The following CYRIB variants were observed in gnomAD, a reference collection of about 807,000 sequenced individuals.
The protein encoded by CYRIB is CYFIP-related Rac1 interactor B.
CYRIB carries 8 observed loss-of-function variants against 44.2 expected under a neutral mutation model. The ratio of observed to expected loss-of-function variants is 0.18; its 90% CI spans 0.11 to 0.33. The LOEUF is 0.33. Ranked by LOEUF, CYRIB falls within the 10% of genes least tolerant of loss-of-function variation. The pLI is 1.00. For synonymous variants in CYRIB, 131 were observed against 127.2 expected (o/e 1.03, Z -0.20); for missense variants, 185 against 382.8 (o/e 0.48, Z 4.31).
At chr8:129,882,689 C>T (rs10091204) in intron 2 of CYRIB, among the ~76,000 whole-genome samples, 2,211 of 152,182 alleles carry the variant, frequency 0.015, 46 homozygotes, top group African/African-American at 0.046. Flanking sequence ...TTGGAACTAG[C>T]CATGTACGTC....
chr8:129,986,425 C>G (rs759297598), intron 1 of CYRIB, among the ~76,000 whole-genome samples: 55 of 152,182 alleles, frequency 3.6e-4, no homozygotes, highest in Admixed American at 5.9e-4. Flanking sequence ...CCTCAAAATT[C>G]ATGTTGAAAC....
chr8:129,844,755 T>C (rs1183423359), intron 11 of CYRIB, among the ~76,000 whole-genome samples: 2 of 152,250 alleles, frequency 1.3e-5, no homozygotes, highest in African/African-American at 4.8e-5. Context: ...AAGTTCTATT[T>C]TGTGGAGGTG....
intron 1 of CYRIB, among the ~76,000 whole-genome samples, chr8:129,906,708 C>T (rs2075592152): frequency 6.6e-6 from 1 of 152,146 alleles, no homozygotes; most frequent in Non-Finnish European, 1.5e-5. Flanking sequence ...ACTCATCTGA[C>T]AAAGGGCTAA....
At chr8:129,970,156 A>G (rs758779484) in intron 2 of CYRIB, among the ~76,000 whole-genome samples, 8 of 152,230 alleles carry the variant, frequency 5.3e-5, no homozygotes, top group Non-Finnish European at 7.3e-5. Flanking sequence ...ATTTTACAGC[A>G]TGTAAGATAG....
At chr8:129,929,244 G>A (rs546533875) in intron 1 of CYRIB, among the ~76,000 whole-genome samples, 3 of 152,230 alleles carry the variant, frequency 2.0e-5, no homozygotes, top group East Asian at 3.9e-4. Flanking sequence ...GAGAGTGAGG[G>A]AGAGAGTGTG....
intron 2 of CYRIB, among the ~76,000 whole-genome samples, chr8:129,946,319 T>A (rs1167488542): frequency 6.6e-6 from 1 of 152,248 alleles, no homozygotes; most frequent in Non-Finnish European, 1.5e-5. Context: ...GCTGCCTCTG[T>A]ATCCAGTCTC....
rs560945853 is a variant in CYRIB, at chr8:129,867,427, T to G, written c.195+3948A>C. Among the ~76,000 whole-genome samples the G allele has an allele frequency of 5.9e-5, 9 of 152,008 alleles. No individual in the cohort carries two copies. The East Asian group carries it at 1.7e-3, about 29-fold the overall frequency. ...GGGTGTGTGCCACCAATTTGGCTAT[T>G]TATTTTTTTAAAATTTACAAAAAAA... On this transcript the variant is annotated intron_variant, in intron 4 of 11. Coordinates refer to ENST00000519824, the Ensembl canonical transcript of CYRIB.
intron 5 of CYRIB, among the ~76,000 whole-genome samples, chr8:129,861,838 T>C (rs2049847649): frequency 6.6e-6 from 1 of 152,168 alleles, no homozygotes; most frequent in East Asian, 1.9e-4. Flanking sequence ...CTTTGGATGC[T>C]AAAGGGTCCT....
At chr8:129,861,626 T>G (rs867948137) in intron 5 of CYRIB, among the ~76,000 whole-genome samples, 11 of 151,406 alleles carry the variant, frequency 7.3e-5, no homozygotes, top group African/African-American at 2.4e-4. Context: ...TTTGTTGTTT[T>G]TTTTTTTTTT....
chr8:129,943,840 C>T (rs2093936046), upstream of CYRIB, among the ~76,000 whole-genome samples: 1 of 148,464 alleles, frequency 6.7e-6, no homozygotes, highest in African/African-American at 2.5e-5. Flanking sequence ...ACCACGTGAT[C>T]CGCCCGCCTC....
At chr8:129,993,177 G>A (rs553165178) in intron 1 of CYRIB, among the ~76,000 whole-genome samples, 1 of 152,152 alleles carries the variant, frequency 6.6e-6, no homozygotes, top group East Asian at 1.9e-4. Context: ...GATCACTTGA[G>A]GTCAGGAGTT....
chr8:129,873,467 C>T (rs1414126576), intron 3 of CYRIB, among the ~76,000 whole-genome samples: 1 of 151,934 alleles, frequency 6.6e-6, no homozygotes, highest in Non-Finnish European at 1.5e-5. Context: ...AACTTTTATA[C>T]TTACATCAGA....
At chr8:129,882,290 G>C (rs2061065331) in intron 2 of CYRIB, among the ~76,000 whole-genome samples, 1 of 152,002 alleles carries the variant, frequency 6.6e-6, no homozygotes, top group South Asian at 2.1e-4. Context: ...ACCCTTTTGG[G>C]GACTCATTTC....
chr8:129,865,260 T>G (rs1170207207), intron 4 of CYRIB, among the ~76,000 whole-genome samples: 1 of 152,222 alleles, frequency 6.6e-6, no homozygotes, highest in Non-Finnish European at 1.5e-5. Context: ...ACATGCTGTG[T>G]GGTGCAGGAG....
At chr8:129,864,114 C>G (rs181790427) in intron 4 of CYRIB, among the ~76,000 whole-genome samples, 5 of 152,328 alleles carry the variant, frequency 3.3e-5, no homozygotes, top group Non-Finnish European at 7.3e-5. Flanking sequence ...ACTGGTTAAG[C>G]AATTTACTTT....
intron 1 of CYRIB, among the ~76,000 whole-genome samples, chr8:130,011,668 AAAAG>A (rs749451154): frequency 6.6e-5 from 10 of 151,194 alleles, no homozygotes; most frequent in Non-Finnish European, 1.0e-4. Flanking sequence ...ATACAAAAAA[AAAAG>A]AAAGAAAGAA....
chr8:129,905,374 T>C (rs1166707882), intron 1 of CYRIB, among the ~76,000 whole-genome samples: 1 of 152,072 alleles, frequency 6.6e-6, no homozygotes, highest in Non-Finnish European at 1.5e-5. Flanking sequence ...CCTGCCACCA[T>C]TCCCCGCTAA....
chr8:129,929,430 A>G (rs1301209765), intron 1 of CYRIB, among the ~76,000 whole-genome samples: 1 of 152,200 alleles, frequency 6.6e-6, no homozygotes, highest in Non-Finnish European at 1.5e-5. Flanking sequence ...AACATCCTAG[A>G]CTATGGTAAT....
At chr8:129,974,635 T>C (rs1315154845) in intron 1 of CYRIB, among the ~76,000 whole-genome samples, 2 of 151,962 alleles carry the variant, frequency 1.3e-5, no homozygotes, top group Non-Finnish European at 2.9e-5. Context: ...AGATGCTTCC[T>C]GGTTTTTAAA....
Sources: allele counts gnomAD v4.1 joint callset (sites outside exome capture counted in the v4.1 genomes callset), GRCh38; gene constraint gnomAD v4.1.1; transcripts MANE v1.5; gene names NCBI Gene and HGNC (gene_info 2026-07-23, HGNC 2026-07-21).